EBF3: variants seen among roughly 807,000 people sequenced by gnomAD.
EBF3 encodes EBF transcription factor 3.
In EBF3, 18 loss-of-function variants were observed where a neutral mutation model predicts 77.1. That is an observed-to-expected ratio of 0.23 (90% CI 0.16 to 0.35). The LOEUF is 0.35. Ranked by LOEUF, EBF3 falls within the 10% of genes least tolerant of loss-of-function variation. The pLI, the probability that EBF3 is intolerant of heterozygous loss-of-function variation, is 1.00. For synonymous variants in EBF3, 350 were observed against 343.5 expected, an observed-to-expected ratio of 1.02 and a Z score of -0.21; for missense variants, 558 against 860.0, an observed-to-expected ratio of 0.65 and a Z score of 4.39.
rs566320383 is a variant in EBF3 at position 129,914,891 on chromosome 10, C to A, written c.555-37042G>T. 6.6e-5 allele frequency among the ~76,000 whole-genome samples: 10 copies of A among 152,314 alleles called. No homozygotes were observed. The East Asian group carries it at 1.2e-3, about 18-fold the overall frequency. On this transcript the variant is annotated intron_variant, in intron 6 of 16. Transcript: ENST00000440978. ...CTCAGGGTCCCCTAGGGCATCACATCAAGTCTGGGAAAGCCAGTGGCCAGA... is the reference window on the plus strand; with the variant it reads ...CTCAGGGTCCCCTAGGGCATCACATAAAGTCTGGGAAAGCCAGTGGCCAGA...
intron 6 of EBF3, among the ~76,000 whole-genome samples, chr10:129,890,906 C>G (rs1853976279): frequency 6.6e-6 from 1 of 152,208 alleles, no homozygotes; most frequent in South Asian, 2.1e-4. Flanking sequence ...ACTTTGCCAT[C>G]CTCAATCTGC....
At chr10:129,957,007 C>A (rs556733650) in intron 6 of EBF3, among the ~76,000 whole-genome samples, 1 of 152,362 alleles carries the variant, frequency 6.6e-6, no homozygotes, top group African/African-American at 2.4e-5. Flanking sequence ...CTCCTCACAG[C>A]GAGAGCAGTG....
At chr10:129,937,858 C>T (rs75213193) in intron 6 of EBF3, among the ~76,000 whole-genome samples, 7,078 of 152,202 alleles carry the variant, frequency 0.047, 245 homozygotes, top group African/African-American at 0.097. Flanking sequence ...GAGGAATTCC[C>T]GGGGAAACAT....
intron 6 of EBF3, among the ~76,000 whole-genome samples, chr10:129,913,320 A>G (rs933665945): frequency 6.6e-6 from 1 of 152,268 alleles, no homozygotes; most frequent in African/African-American, 2.4e-5. Flanking sequence ...TGGCCCCCAC[A>G]CAGTTGCATG....
intron 6 of EBF3, among the ~76,000 whole-genome samples, chr10:129,933,752 A>G (rs1173423561): frequency 6.6e-6 from 1 of 152,200 alleles, no homozygotes; most frequent in East Asian, 1.9e-4. Context: ...GCAGGGTCAG[A>G]GCCCACCCAG....
chr10:129,948,595 A>C (rs1388108479), intron 6 of EBF3, among the ~76,000 whole-genome samples: 1 of 136,154 alleles, frequency 7.3e-6, no homozygotes, highest in Non-Finnish European at 1.6e-5. Flanking sequence ...TACCACACCA[A>C]AGCAAGACGT....
rs146445596 is a variant in EBF3, at chr10:129,846,237, C to T, written c.1128+2155G>A. Among the ~76,000 whole-genome samples the T allele has an allele frequency of 3.2e-3, 481 of 151,574 alleles. 2 individuals carry two copies. The highest frequency in any genetic ancestry group is 0.01 in the African/African-American group (417 of 41,264). On this transcript the variant is annotated intron_variant, in intron 11 of 16. Coordinates refer to ENST00000440978, the MANE Select transcript of EBF3 (RefSeq NM_001375380.1). ...ATTAGGAGGTAAACTTCAATTCAAG[C>T]CAACCCCCCTCTCTCAGAAGCAACA...
At chr10:129,845,087 C>A (rs1301173890) in intron 11 of EBF3, among the ~76,000 whole-genome samples, 1 of 152,176 alleles carries the variant, frequency 6.6e-6, no homozygotes, top group Non-Finnish European at 1.5e-5. Flanking sequence ...ATGCTCTTAT[C>A]CTAATCTGCC....
intron 6 of EBF3, among the ~76,000 whole-genome samples, chr10:129,936,271 G>A (rs1024314312): frequency 6.6e-6 from 1 of 152,182 alleles, no homozygotes; most frequent in Non-Finnish European, 1.5e-5. Flanking sequence ...CTTCTACCAG[G>A]TGGAACCAGG....
intron 6 of EBF3, among the ~76,000 whole-genome samples, chr10:129,887,050 T>TGGGTGGGGG (rs1853639587): frequency 5.6e-4 from 2 of 3,602 alleles, no homozygotes; most frequent in African/African-American, 1.9e-3. Context: ...GTGGGGGTTG[T>TGGGTGGGGG]GGGCGGGGGG....
chr10:129,849,087 A>G (rs1850671634), intron 10 of EBF3, among the ~76,000 whole-genome samples: 1 of 152,192 alleles, frequency 6.6e-6, no homozygotes. Context: ...TTATCCCTCA[A>G]ATTGTAATTT....
intron 6 of EBF3, among the ~76,000 whole-genome samples, chr10:129,906,062 A>C (rs1855122118): frequency 6.6e-6 from 1 of 152,244 alleles, no homozygotes; most frequent in Admixed American, 6.5e-5. Flanking sequence ...GGCAAATACA[A>C]GCAGCATTTC....
In EBF3 at chr10:129,841,970, C is replaced by T. The variant is rs571344557; in HGVS notation, c.1372+146G>A. ...TGGGAGGACCTGCAGCAAGGTCTTC[C>T]TGAGCAAAGGAACCAGCAGAGCCAG... On this transcript the variant is annotated intron_variant, in intron 13 of 16. Transcript: ENST00000440978. The surrounding 1 kb of genome is among the most constrained non-coding windows in gnomAD (Gnocchi z 4.6). 9.1e-7 allele frequency: 1 copy of T among 1,094,692 alleles called. No individual in the cohort carries two copies. The highest frequency in any genetic ancestry group is 2.6e-5 in the East Asian group (1 of 37,756). 67.8% of individuals were successfully genotyped at this position (1,094,692 alleles called of 1,614,324 possible). A position where few individuals can be genotyped will look rare whatever the true frequency, so the allele number is the denominator to read the frequency against.
chr10:129,854,664 C>G (rs563286087), intron 10 of EBF3, among the ~76,000 whole-genome samples: 1 of 152,336 alleles, frequency 6.6e-6, no homozygotes, highest in South Asian at 2.1e-4. Flanking sequence ...AATGCATGGA[C>G]AGGGCCAGAT....
In EBF3 at chr10:129,964,023, G is replaced by A. The variant is rs1859745031; in HGVS notation, c.-255C>T. On this transcript the variant is annotated 5_prime_UTR_variant, in exon 1 of 17. Transcript: ENST00000440978. The surrounding 1 kb of genome is among the most constrained non-coding windows in gnomAD (Gnocchi z 4.5). The stretch of plus-strand genomic sequence containing the variant: ...TTCGAAGGAGCAGGACGCGGTGGCC[G>A]CGGCGGCGCTTGTTGTTGTTGTTGT... The A allele has an allele frequency of 3.0e-6, 3 of 985,092 alleles. No individual in the cohort carries two copies. The highest frequency in any genetic ancestry group is 9.4e-5 in the South Asian group (2 of 21,296). 61.0% of individuals were successfully genotyped at this position (985,092 alleles called of 1,614,324 possible).
rs1853536489 is a variant in EBF3 at position 129,885,838 on chromosome 10, C to G, written c.555-7989G>C. On this transcript the variant is annotated intron_variant, in intron 6 of 16. Coordinates refer to ENST00000440978, the MANE Select transcript of EBF3 (RefSeq NM_001375380.1). This position sits in a 1 kb window ranked among gnomAD's most constrained non-coding sequence, Gnocchi z 4.0. ...GACTTGTTGCCAGCTCCAGGGGAGGCTTTTACAGGTTATGCAGAGATTAAG... is the reference window on the plus strand; with the variant it reads ...GACTTGTTGCCAGCTCCAGGGGAGGGTTTTACAGGTTATGCAGAGATTAAG... Among the ~76,000 whole-genome samples the G allele has an allele frequency of 6.6e-6, 1 of 152,096 alleles. No individual in the cohort carries two copies. The highest frequency in any genetic ancestry group is 2.4e-5 in the African/African-American group (1 of 41,422).
intron 6 of EBF3, among the ~76,000 whole-genome samples, chr10:129,916,858 G>A (rs1307790585): frequency 6.6e-6 from 1 of 152,214 alleles, no homozygotes; most frequent in African/African-American, 2.4e-5. Context: ...CCTGGGAAAT[G>A]GGGAGGAGTT....
At chr10:129,895,683 A>C (rs1007530354) in intron 6 of EBF3, among the ~76,000 whole-genome samples, 3 of 152,220 alleles carry the variant, frequency 2.0e-5, no homozygotes, top group African/African-American at 7.2e-5. Context: ...CACCTGGGAC[A>C]AGGGCTGGTG....
intron 6 of EBF3, among the ~76,000 whole-genome samples, chr10:129,949,477 T>G (rs1858495756): frequency 6.6e-6 from 1 of 152,182 alleles, no homozygotes. Context: ...GGGGCCTAAA[T>G]GACCCTGTTC....
Sources: allele counts gnomAD v4.1 joint callset (sites outside exome capture counted in the v4.1 genomes callset), GRCh38; gene constraint gnomAD v4.1.1; non-coding constraint Gnocchi (gnomAD v3.1); transcripts MANE v1.5; gene names NCBI Gene and HGNC (gene_info 2026-07-23, HGNC 2026-07-21).